The following C6 variants were observed in gnomAD, a reference collection of about 807,000 sequenced individuals.
C6 encodes complement C6, also known as complement component C6.
In C6, 101 loss-of-function variants were observed where a neutral mutation model predicts 112.9. The ratio of observed to expected loss-of-function variants is 0.89; its 90% CI spans 0.76 to 1.06. The LOEUF is 1.06. C6 is among the 50% of genes least tolerant of loss of function. C6 has a pLI of 0.00. For synonymous variants in C6, 431 were observed against 384.1 expected, an observed-to-expected ratio of 1.12 and a Z score of -1.43; for missense variants, 1,202 against 1,104.6, an observed-to-expected ratio of 1.09 and a Z score of -1.25.
At chr5:41,249,409 G>A (rs1010426018) in intron 1 of C6, among the ~76,000 whole-genome samples, 1 of 151,972 alleles carries the variant, frequency 6.6e-6, no homozygotes, top group Non-Finnish European at 1.5e-5. Flanking sequence ...TGTAAATACT[G>A]AAAATGATAG....
Position 41,153,849 on chromosome 5 carries a change from A to G in C6, c.2251T>C (p.Trp751Arg). ...AGAGAGTTTGAAATGGGTGGTGTCC[A>G]GGAATTCCCCTGGCATGTGTACCTT... ...PSRYTCQGNS[W>R]TPPISNSLTC... The change falls in exon 15 of 18, where the codon TGG (tryptophan) becomes CGG (arginine). Residue 751 changes from tryptophan to arginine, a missense_variant. Physicochemically the swap from Trp to Arg is moderately radical, Grantham distance 101. Coordinates refer to ENST00000337836, the MANE Select transcript of C6 (RefSeq NM_000065.5). 1 of 1,613,570 alleles carries G rather than the reference A, an allele frequency of 6.2e-7. No individual in the cohort carries two copies. Among genetic ancestry groups the G allele is most frequent in the Non-Finnish European group, 8.5e-7 (1 of 1,179,786 alleles).
intron 8 of C6, among the ~76,000 whole-genome samples, chr5:41,175,490 A>T (rs139588488): frequency 6.6e-6 from 1 of 152,310 alleles, no homozygotes; most frequent in Non-Finnish European, 1.5e-5. Flanking sequence ...CTCTACAGAG[A>T]AAGAGATGGA....
intron 1 of C6, among the ~76,000 whole-genome samples, chr5:41,247,328 G>A (rs2150433615): frequency 6.6e-6 from 1 of 152,230 alleles, no homozygotes; most frequent in East Asian, 1.9e-4. Flanking sequence ...AATGACGTCA[G>A]TAAAATTTTA....
intron 9 of C6, among the ~76,000 whole-genome samples, chr5:41,171,009 A>G (rs1048216583): frequency 6.6e-6 from 1 of 152,198 alleles, no homozygotes; most frequent in East Asian, 1.9e-4. Context: ...GATTTTCCAT[A>G]GAGAAGATTC....
chr5:41,179,788 A>G (rs1218433316), intron 7 of C6, among the ~76,000 whole-genome samples: 1 of 151,218 alleles, frequency 6.6e-6, no homozygotes, highest in Non-Finnish European at 1.5e-5. Flanking sequence ...TTCTTTCTGT[A>G]TTTTGCTAAA....
chr5:41,161,710 C>G lies in C6; in HGVS notation c.1441G>C (p.Ala481Pro), dbSNP rs753208952. 11 of 1,613,450 alleles carry G rather than the reference C, an allele frequency of 6.8e-6. No homozygotes were observed. The highest frequency in any genetic ancestry group is 9.3e-6 in the Non-Finnish European group (11 of 1,179,514). ...ACTCTTACCTCAAAGTCAATCACAG[C>G]AGGATTTTCCTTCACTGATTCTAAC... ...EWLESVKENP[A>P]VIDFELAPIV... Residue 481 changes from alanine to proline, a missense_variant, in exon 10 of 18, where the codon GCT (alanine) becomes CCT (proline). Ala to Pro is a conservative substitution (Grantham distance 27). Transcript: ENST00000337836.
At chr5:41,210,245 A>C (rs1190185143) in intron 1 of C6, among the ~76,000 whole-genome samples, 3 of 152,242 alleles carry the variant, frequency 2.0e-5, no homozygotes, top group Non-Finnish European at 2.9e-5. Flanking sequence ...TAAATGCTAG[A>C]CCTAAAACCA....
chr5:41,229,930 G>A (rs1319362058), intron 1 of C6, among the ~76,000 whole-genome samples: 1 of 152,162 alleles, frequency 6.6e-6, no homozygotes, highest in Non-Finnish European at 1.5e-5. Flanking sequence ...AATATAAATT[G>A]TGAAGGTTTC....
intron 3 of C6, 44 bp from the exon 4 acceptor site, chr5:41,199,956 A>G (rs1750887101): frequency 6.2e-7 from 1 of 1,604,352 alleles, no homozygotes; most frequent in Non-Finnish European, 8.5e-7. Flanking sequence ...GGCAGGGTCA[A>G]GGTCAAAATG....
rs116857605 is a variant in C6 at position 41,198,855 on chromosome 5, C to T, written c.445+913G>A. On this transcript the variant is annotated intron_variant, in intron 4 of 17. Coordinates refer to ENST00000337836, the MANE Select transcript of C6 (RefSeq NM_000065.5). ...TCAGTTCTAGAGCTTGATTTTGATA[C>T]TCTGGATATAATGATCAGGTCTGTA... is the stretch of plus-strand genomic sequence containing the variant. Among the ~76,000 whole-genome samples, 46 of 152,194 alleles carry T rather than the reference C, an allele frequency of 3.0e-4. 1 individual carries two copies. In the East Asian group the frequency reaches 8.5e-3, roughly 28 times the overall value.
intron 1 of C6, among the ~76,000 whole-genome samples, chr5:41,209,365 G>A (rs553048891): frequency 1.3e-5 from 2 of 152,218 alleles, no homozygotes; most frequent in Non-Finnish European, 2.9e-5. Flanking sequence ...TGGAAGTTCT[G>A]GCCAGGGCAA....
chr5:41,155,070 A>T lies in C6; in HGVS notation c.2003T>A (p.Val668Asp), dbSNP rs763461505. Residue 668 changes from valine to aspartate, a missense_variant, in exon 14 of 18, where the codon GTT (valine) becomes GAT (aspartate). By Grantham distance (152) the Val-to-Asp change is radical. Coordinates refer to ENST00000337836, the MANE Select transcript of C6 (RefSeq NM_000065.5). ...EKQLYLVGED[V>D]EISCLTGFET... ...AAAGCCAGTAAGGCATGAAATTTCAACATCTTCTCCAACCAAGTATAGTTG... is the reference window on the plus strand; with the variant it reads ...AAAGCCAGTAAGGCATGAAATTTCATCATCTTCTCCAACCAAGTATAGTTG... The T allele has an allele frequency of 4.7e-5, 76 of 1,613,584 alleles. No individual in the cohort carries two copies. In the Middle Eastern group the frequency reaches 6.6e-4, roughly 14 times the overall value.
At chr5:41,250,595 T>C (rs933045714) in intron 1 of C6, among the ~76,000 whole-genome samples, 2 of 152,220 alleles carry the variant, frequency 1.3e-5, no homozygotes, top group African/African-American at 4.8e-5. Context: ...TGATTTGGCT[T>C]CTTGCATTCC....
At position 41,255,502 on chromosome 5, in the gene C6, G is replaced by T. The variant is rs193115668; in HGVS notation, c.-21+5692C>A. On this transcript the variant is annotated intron_variant, in intron 1 of 17. Coordinates refer to the C6 transcript ENST00000263413. ...TTACTTATAGGAAATATATATAGTA[G>T]TACAAGTGTGTCTTATGGAATCAAT... Among the ~76,000 whole-genome samples, 204 of 152,298 alleles carry T rather than the reference G, an allele frequency of 1.3e-3. 2 individuals carry two copies. The highest frequency in any genetic ancestry group is 4.5e-3 in the Admixed American group (69 of 15,294).
At chr5:41,247,717 C>T (rs1262494031) in intron 1 of C6, among the ~76,000 whole-genome samples, 2 of 119,612 alleles carry the variant, frequency 1.7e-5, no homozygotes, top group Non-Finnish European at 3.4e-5. Flanking sequence ...GACTCCATCT[C>T]AGAAAAAAAA....
At chr5:41,201,939 A>G (rs567797801) in intron 2 of C6, among the ~76,000 whole-genome samples, 12 of 152,090 alleles carry the variant, frequency 7.9e-5, no homozygotes, top group African/African-American at 1.2e-4. Flanking sequence ...CTCTTGCTCA[A>G]AACTAAGAAC....
Position 41,142,885 on chromosome 5 carries a change from T to G in C6, c.2745A>C (p.Gly915=). 1.9e-6 allele frequency: 3 copies of G among 1,613,632 alleles called. No homozygotes were observed. The highest frequency in any genetic ancestry group is 2.5e-6 in the Non-Finnish European group (3 of 1,179,690). ...TCTTCCTGTTTGCACATCTTATAGT[T>G]CCCACTTCACAGATGTTCAATGTTT... The part of the protein sequence containing the change: ...SEKTLNICEV[G]TIRCANRKME... The change falls in exon 18 of 18, where the codon GGA becomes GGC. Residue 915 remains glycine (G), a synonymous_variant. Transcript: ENST00000337836.
intron 1 of C6, among the ~76,000 whole-genome samples, chr5:41,207,157 T>G (rs1244146740): frequency 6.6e-6 from 1 of 152,104 alleles, no homozygotes; most frequent in East Asian, 1.9e-4. Context: ...AATAAAATAC[T>G]TTACAGACAA....
intron 1 of C6, among the ~76,000 whole-genome samples, chr5:41,236,099 A>T (rs1319553862): frequency 7.5e-4 from 63 of 83,646 alleles, no homozygotes; most frequent in Non-Finnish European, 8.9e-4. Context: ...CCATTTGTCA[A>T]TTTTGGCTTT....
Sources: gnomAD v4.1 joint callset for allele counts (sites outside exome capture counted in the v4.1 genomes callset) on GRCh38, gnomAD v4.1.1 for gene constraint, MANE v1.5 for transcripts, NCBI Gene and HGNC (gene_info 2026-07-23, HGNC 2026-07-21) for gene names.